The following KNDC1 variants were observed in gnomAD, a reference collection of about 807,000 sequenced individuals.
KNDC1 encodes the protein kinase non-catalytic C-lobe domain containing 1, also known as kinase non-catalytic C-lobe domain-containing protein 1.
Under a neutral mutation model 172.8 loss-of-function variants are expected in KNDC1, and 106 were observed. That is an observed-to-expected ratio of 0.61 (90% CI 0.52 to 0.72). KNDC1 has a LOEUF of 0.72. Among genes scored for constraint, KNDC1 ranks in the 30% least tolerant of loss-of-function variants. KNDC1 has a pLI of 0.00. For synonymous variants in KNDC1, 1,083 were observed against 1,062.2 expected, an observed-to-expected ratio of 1.02 and a Z score of -0.38; for missense variants, 2,325 against 2,394.5, an observed-to-expected ratio of 0.97 and a Z score of 0.61.
rs1853204265 is a variant in KNDC1 at position 133,167,442 on chromosome 10, C to A, written c.164C>A (p.Ala55Asp). 1 of 1,606,002 alleles carries A rather than the reference C, an allele frequency of 6.2e-7. No individual in the cohort carries two copies. The highest frequency in any genetic ancestry group is 8.5e-7 in the Non-Finnish European group (1 of 1,177,494). The change falls in exon 2 of 30, where the codon GCC becomes GAC. Residue 55 changes from alanine to aspartate, a missense_variant. Coordinates refer to ENST00000304613, the MANE Select transcript of KNDC1 (RefSeq NM_152643.8). The stretch of plus-strand genomic sequence containing the variant: ...GACCGCGGCCTCAGCGAGCAGGAAG[C>A]CTGGGCCGTGTGCCTGGAGTGCAGC... ...LRDRGLSEQE[A>D]WAVCLECSLS...
intron 17 of KNDC1, among the ~76,000 whole-genome samples, chr10:133,204,094 C>T (rs748795749): frequency 7.9e-5 from 12 of 152,296 alleles, no homozygotes; most frequent in Non-Finnish European, 1.5e-4. Context: ...CGGTGACCTC[C>T]GGGGGCCGGA....
chr10:133,184,813 C>T (rs1207556304), intron 5 of KNDC1, among the ~76,000 whole-genome samples: 1 of 152,264 alleles, frequency 6.6e-6, no homozygotes, highest in Non-Finnish European at 1.5e-5. Flanking sequence ...GGCATTGGTG[C>T]CAGGCATCTG....
intron 1 of KNDC1, among the ~76,000 whole-genome samples, chr10:133,166,231 G>A (rs1172018751): frequency 1.3e-5 from 2 of 152,124 alleles, no homozygotes; most frequent in Non-Finnish European, 2.9e-5. Context: ...CAGCGATGGG[G>A]GAGAAGGGGC....
chr10:133,176,078 A>G (rs1564877635), intron 3 of KNDC1, among the ~76,000 whole-genome samples: 2 of 150,270 alleles, frequency 1.3e-5, no homozygotes, highest in African/African-American at 2.5e-5. Flanking sequence ...AGGTGGATGG[A>G]TGGATGGGTG....
chr10:133,207,075 A>G (rs1845217234), intron 19 of KNDC1, 62 bp from the exon 20 acceptor site: 3 of 1,536,934 alleles, frequency 2.0e-6, no homozygotes, highest in Admixed American at 1.9e-5. Flanking sequence ...TTGAGGGTCC[A>G]ATGCCAGGAA....
chr10:133,166,260 G>T (rs4838701), intron 1 of KNDC1, among the ~76,000 whole-genome samples: 49,527 of 151,834 alleles, frequency 0.33, 8,210 homozygotes, highest in East Asian at 0.47. Context: ...CCTCCTCACG[G>T]GCCCCACCCA....
chr10:133,220,106 A>AGCTCAGGTGAGGAGGG lies in KNDC1; in HGVS notation c.5018+2_5018+17dup. 1 of 1,563,116 alleles carries AGCTCAGGTGAGGAGGG rather than the reference A, an allele frequency of 6.4e-7. No individual in the cohort carries two copies. The highest frequency in any genetic ancestry group is 8.7e-7 in the Non-Finnish European group (1 of 1,153,758). On this transcript the variant is annotated stop_gained and frameshift_variant, in exon 29 of 30. Transcript: ENST00000304613. LOFTEE classifies it high-confidence loss of function. ...ACCAACGGGGCCCACAGGTGGAGCA[A>AGCTCAGGTGAGGAGGG]GCTCAGGTGAGGAGGGGCTCAGGCG...
At chr10:133,203,320 C>T (rs1428521992) in intron 17 of KNDC1, among the ~76,000 whole-genome samples, 9 of 152,040 alleles carry the variant, frequency 5.9e-5, no homozygotes, top group Non-Finnish European at 1.2e-4. Context: ...CCCCCAAACT[C>T]ATGGTGTCCA....
chr10:133,193,034 C>T (rs530716261), intron 9 of KNDC1, among the ~76,000 whole-genome samples: 14 of 151,090 alleles, frequency 9.3e-5, no homozygotes, highest in East Asian at 5.8e-4. Context: ...CTCCCCTCTC[C>T]GAAAAAATAA....
In KNDC1 at chr10:133,220,064, C is replaced by T; in HGVS notation, c.4970C>T (p.Thr1657Ile). The T allele has an allele frequency of 6.4e-7, 1 of 1,565,782 alleles. No individual in the cohort carries two copies. The highest frequency in any genetic ancestry group is 1.2e-5 in the South Asian group (1 of 85,182). ...LLAMHIQQLETGGFTMTNGAH... is the reference protein window; with the variant it reads ...LLAMHIQQLEIGGFTMTNGAH... ...GCCATGCACATCCAGCAGCTGGAGA[C>T]AGGCGGCTTCACCATGACCAACGGG... is the stretch of plus-strand genomic sequence containing the variant. Residue 1657 changes from threonine to isoleucine, a missense_variant, in exon 29 of 30, where the codon ACA (threonine) becomes ATA (isoleucine). By Grantham distance (89) the Thr-to-Ile change is moderately conservative (BLOSUM62 -1). Transcript: ENST00000304613.
chr10:133,185,963 C>T lies in KNDC1; in HGVS notation c.626-11C>T. ...GGCACCCAGCCGTGACCACATCTTG[C>T]TTGTGCCCAGATGTCAGCGAGAGCA... On this transcript the variant is annotated splice_polypyrimidine_tract_variant and intron_variant, in intron 5 of 29. Transcript: ENST00000304613. The T allele has an allele frequency of 7.9e-7, 1 of 1,272,350 alleles. No homozygotes were observed. Among genetic ancestry groups the T allele is most frequent in the South Asian group, 1.7e-5 (1 of 59,314 alleles). The allele number at this position is 1,272,350 out of a possible 1,614,324, so 78.8% of individuals were successfully genotyped here. A position where few individuals can be genotyped will look rare whatever the true frequency, so the allele number is the denominator to read the frequency against.
At chr10:133,178,330 G>T (rs1853616813) in intron 3 of KNDC1, among the ~76,000 whole-genome samples, 1 of 152,160 alleles carries the variant, frequency 6.6e-6, no homozygotes, top group South Asian at 2.1e-4. Context: ...GGCTTTCAGT[G>T]GATAGTGCTT....
chr10:133,174,177 A>G (rs1254652494), intron 3 of KNDC1: 2 of 152,298 alleles, frequency 1.3e-5, no homozygotes, highest in African/African-American at 4.8e-5. Flanking sequence ...TGGGGATCCA[A>G]TAATGCTGGG....
At chr10:133,183,221 G>C in intron 3 of KNDC1, 123 bp from the exon 4 acceptor site, 1 of 1,234,514 alleles carries the variant, frequency 8.1e-7, no homozygotes, top group Non-Finnish European at 1.1e-6. Flanking sequence ...CACGGGTGCT[G>C]CTTCCCCTCA....
In KNDC1 at chr10:133,189,780, C is replaced by T. The variant is rs150817741; in HGVS notation, c.1542C>T (p.Pro514=). The T allele has an allele frequency of 2.2e-4, 349 of 1,614,028 alleles. No homozygotes were observed. In the African/African-American group the frequency reaches 4.1e-3, roughly 19 times the overall value. Residue 514 remains proline (P), a synonymous_variant, in exon 9 of 30, where the codon CCC becomes CCT. Transcript: ENST00000304613. ...CCTATGACTCGTTCTTTCTGGCTCC[C>T]GAGCTGGCAGAGGAGAGGCTGGTAA... ...NGSYDSFFLA[P]ELAEERLVTE...
At position 133,195,721 on chromosome 10, in the gene KNDC1, G is replaced by A. The variant is rs374642269; in HGVS notation, c.1634G>A (p.Arg545His). The A allele has an allele frequency of 3.5e-5, 56 of 1,612,282 alleles. No homozygotes were observed. In the East Asian group the frequency reaches 6.0e-4, roughly 17 times the overall value. ...LWTAAKFSVP[R>H]NHKLALPRRL... ...ACCGCAGCCAAGTTCAGCGTCCCCC[G>A]CAACCACAAGCTGGCCCTGCCACGC... Residue 545 changes from arginine to histidine, a missense_variant, in exon 10 of 30, where the codon CGC (arginine) becomes CAC (histidine). Coordinates refer to ENST00000304613, the MANE Select transcript of KNDC1 (RefSeq NM_152643.8).
chr10:133,204,539 C>T (rs1295647309), intron 17 of KNDC1, among the ~76,000 whole-genome samples: 2 of 152,302 alleles, frequency 1.3e-5, no homozygotes, highest in African/African-American at 2.4e-5. Context: ...GGGAGCCTGG[C>T]CCTCCGTGGC....
chr10:133,172,303 A>G (rs1259180707), intron 3 of KNDC1, among the ~76,000 whole-genome samples: 1 of 152,174 alleles, frequency 6.6e-6, no homozygotes, highest in Non-Finnish European at 1.5e-5. Flanking sequence ...TCAATTTTAC[A>G]AGATGTTTCT....
intron 17 of KNDC1, among the ~76,000 whole-genome samples, chr10:133,204,138 T>C (rs1854457149): frequency 6.6e-6 from 1 of 152,072 alleles, no homozygotes; most frequent in Non-Finnish European, 1.5e-5. Context: ...TGGGGGAACG[T>C]GGCCACCACC....
Sources: allele counts gnomAD v4.1 joint callset (sites outside exome capture counted in the v4.1 genomes callset), GRCh38; gene constraint gnomAD v4.1.1; transcripts MANE v1.5; gene names NCBI Gene and HGNC (gene_info 2026-07-23, HGNC 2026-07-21).